Variants in DIAPH2 observed in about 807,000 individuals in gnomAD.
DIAPH2 encodes diaphanous related formin 2, also known as protein diaphanous homolog 2.
DIAPH2 carries 35 observed loss-of-function variants against 92.7 expected under a neutral mutation model. That is an observed-to-expected ratio of 0.38 (90% CI 0.29 to 0.50). The LOEUF is 0.50. Among genes scored for constraint, DIAPH2 ranks in the 20% least tolerant of loss-of-function variants. The probability of loss-of-function intolerance (pLI) is 0.94; values close to 1 mark genes in which losing one functional copy is unlikely to be tolerated. For missense variants in DIAPH2, 701 were observed against 819.5 expected, an observed-to-expected ratio of 0.86 and a Z score of 1.77; for synonymous variants, 301 against 280.4, an observed-to-expected ratio of 1.07 and a Z score of -0.73.
chrX:97,361,467 T>G (rs1236314007), intron 24 of DIAPH2, among the ~76,000 whole-genome samples: 1 of 112,149 alleles, frequency 8.9e-6, no homozygotes. Context: ...TTGAACGCAC[T>G]AGCATATTTT....
chrX:97,090,405 G>A (rs769395242), intron 19 of DIAPH2, among the ~76,000 whole-genome samples: 5 of 93,213 alleles, frequency 5.4e-5, no homozygotes, highest in South Asian at 6.6e-4. Context: ...ACCGCTGCCC[G>A]CCACGCCCGG....
intron 26 of DIAPH2, among the ~76,000 whole-genome samples, chrX:97,572,336 G>A (rs1055648576): frequency 9.9e-5 from 11 of 111,168 alleles, no homozygotes; most frequent in Non-Finnish European, 2.1e-4. Context: ...GTAGATAAAC[G>A]TATAACTTTT....
At chrX:96,882,959 C>CAA (rs1211958338) in intron 5 of DIAPH2, among the ~76,000 whole-genome samples, 2,847 of 30,765 alleles carry the variant, frequency 0.093, 305 homozygotes, top group African/African-American at 0.18. Flanking sequence ...ACCCTGTCTC[C>CAA]AAAAAAAAAA....
At chrX:96,947,311 A>G (rs1353791685) in intron 14 of DIAPH2, among the ~76,000 whole-genome samples, 1 of 111,713 alleles carries the variant, frequency 9.0e-6, no homozygotes, top group Admixed American at 9.6e-5. Flanking sequence ...TTAGAAGCAC[A>G]TAGGAGAAGC....
intron 22 of DIAPH2, among the ~76,000 whole-genome samples, chrX:97,246,158 C>T (rs993145348): frequency 9.2e-6 from 1 of 109,093 alleles, no homozygotes; most frequent in African/African-American, 3.3e-5. Flanking sequence ...AGGTAATCCG[C>T]CCACCTCAGC....
chrX:96,888,643 A>G (rs1200581458), intron 5 of DIAPH2, among the ~76,000 whole-genome samples: 26 of 100,647 alleles, frequency 2.6e-4, no homozygotes, highest in African/African-American at 8.6e-4. Context: ...ATATATATCT[A>G]TATATATATT....
intron 19 of DIAPH2, among the ~76,000 whole-genome samples, chrX:97,088,791 G>A (rs1273227609): frequency 1.8e-5 from 2 of 111,763 alleles, no homozygotes; most frequent in African/African-American, 6.5e-5. Context: ...TTTACATAAG[G>A]TTTTGATTAA....
intron 25 of DIAPH2, among the ~76,000 whole-genome samples, chrX:97,399,392 G>C (rs1467553119): frequency 8.9e-6 from 1 of 111,976 alleles, no homozygotes; most frequent in Non-Finnish European, 1.9e-5. Context: ...TAAGTCCTTT[G>C]TTATAAGCAT....
At chrX:97,057,941 C>T (rs1001656798) in intron 17 of DIAPH2, among the ~76,000 whole-genome samples, 17 of 108,973 alleles carry the variant, frequency 1.6e-4, no homozygotes, top group African/African-American at 5.7e-4. Flanking sequence ...TTTTCTCTTT[C>T]TGTCACATTG....
chrX:97,339,033 A>G (rs1344442014), intron 23 of DIAPH2, among the ~76,000 whole-genome samples: 1 of 111,910 alleles, frequency 8.9e-6, no homozygotes, highest in Non-Finnish European at 1.9e-5. Context: ...TTATGGAGGA[A>G]TTACAACTAT....
At chrX:97,382,872 C>T (rs891687795) in intron 24 of DIAPH2, among the ~76,000 whole-genome samples, 3 of 112,199 alleles carry the variant, frequency 2.7e-5, no homozygotes, top group Non-Finnish European at 3.8e-5. Context: ...GCCTTGTAGA[C>T]GTATTCTCGT....
chrX:97,509,520 T>G (rs1442897521), intron 26 of DIAPH2, among the ~76,000 whole-genome samples: 1 of 101,472 alleles, frequency 9.9e-6, no homozygotes, highest in Non-Finnish European at 2.0e-5. Flanking sequence ...CTTTTATTAT[T>G]ATTATACTTT....
chrX:97,284,970 G>A (rs2068528258), intron 23 of DIAPH2, among the ~76,000 whole-genome samples: 1 of 111,547 alleles, frequency 9.0e-6, no homozygotes, highest in African/African-American at 3.3e-5. Context: ...TTGTAATCTA[G>A]AGACATAAAT....
chrX:96,815,176 G>T (rs2147667655), intron 4 of DIAPH2, among the ~76,000 whole-genome samples: 1 of 112,219 alleles, frequency 8.9e-6, no homozygotes, highest in East Asian at 2.8e-4. Flanking sequence ...TTGCCGAGCT[G>T]CAGTGGGCTC....
chrX:97,339,473 C>G (rs1391732854), intron 23 of DIAPH2, among the ~76,000 whole-genome samples: 1 of 110,787 alleles, frequency 9.0e-6, no homozygotes, highest in African/African-American at 3.3e-5. Context: ...CGAGATCACG[C>G]CACTGCCCTC....
At chrX:97,227,727 CAAG>C (rs1427839152) in intron 22 of DIAPH2, among the ~76,000 whole-genome samples, 3 of 111,040 alleles carry the variant, frequency 2.7e-5, no homozygotes, top group Non-Finnish European at 5.7e-5. Flanking sequence ...TGAAGCAAAT[CAAG>C]AAGATTTTTT....
intron 3 of DIAPH2, among the ~76,000 whole-genome samples, chrX:96,749,145 A>AAATATATAT (rs1252042191): frequency 3.8e-5 from 3 of 79,825 alleles, no homozygotes; most frequent in African/African-American, 1.5e-4. Context: ...AAAAAAAAAA[A>AAATATATAT]ATATATATAT....
intron 23 of DIAPH2, among the ~76,000 whole-genome samples, chrX:97,281,427 A>T (rs760164728): frequency 1.7e-4 from 19 of 111,174 alleles, no homozygotes; most frequent in African/African-American, 6.2e-4. Context: ...ATTACCTAGA[A>T]ATGGTAGAAT....
At chrX:96,776,907 C>A (rs1019629109) in intron 4 of DIAPH2, among the ~76,000 whole-genome samples, 1 of 111,845 alleles carries the variant, frequency 8.9e-6, no homozygotes, top group Non-Finnish European at 1.9e-5. Flanking sequence ...TTTACATAAA[C>A]TATTGTTAGT....
Sources: gnomAD v4.1 joint callset for allele counts (sites outside exome capture counted in the v4.1 genomes callset) on GRCh38, gnomAD v4.1.1 for gene constraint, MANE v1.5 for transcripts, NCBI Gene and HGNC (gene_info 2026-07-23, HGNC 2026-07-21) for gene names.